Variants in RILPL1 observed in about 807,000 individuals in gnomAD.
RILPL1 encodes the protein Rab interacting lysosomal protein like 1.
Under a neutral mutation model 50.3 loss-of-function variants are expected in RILPL1, and 33 were observed. That is an observed-to-expected ratio of 0.66 (90% CI 0.50 to 0.88). The LOEUF (loss-of-function observed/expected upper bound fraction) is 0.88, where lower values mean the gene tolerates loss of function less well. RILPL1 is among the 40% of genes least tolerant of loss of function. RILPL1 has a pLI of 0.00. For missense variants in RILPL1, 418 were observed against 542.5 expected, an observed-to-expected ratio of 0.77 and a Z score of 2.28; for synonymous variants, 205 against 228.6, an observed-to-expected ratio of 0.90 and a Z score of 0.93.
rs1882186743 is a variant in RILPL1 at position 123,484,274 on chromosome 12, T to C, written c.975-2A>G. On this transcript the variant is annotated splice_acceptor_variant, in intron 5 of 6. Coordinates refer to ENST00000376874, the MANE Select transcript of RILPL1 (RefSeq NM_178314.5). LOFTEE classifies it high-confidence loss of function. The stretch of plus-strand genomic sequence containing the variant: ...CGGTTTTCCTCTTCCATTTCTTCAC[T>C]GGAAGGAGATGAGAGGCGTGAGATA... 6.3e-7 allele frequency: 1 copy of C among 1,594,324 alleles called. No homozygotes were observed. Among genetic ancestry groups the C allele is most frequent in the Non-Finnish European group, 8.6e-7 (1 of 1,162,090 alleles).
At chr12:123,528,185 G>A (rs1885323941) in intron 1 of RILPL1, among the ~76,000 whole-genome samples, 1 of 151,486 alleles carries the variant, frequency 6.6e-6, no homozygotes, top group Non-Finnish European at 1.5e-5. Context: ...TGGGCAACAT[G>A]GCAAGACCCC....
rs72498677 is a variant in RILPL1 at position 123,532,708 on chromosome 12, G to GGA, written c.309+465_309+466insTC. Among the ~76,000 whole-genome samples the GGA allele has an allele frequency of 1.5e-5, 2 of 134,216 alleles. 1 individual carries two copies. Among genetic ancestry groups the GGA allele is most frequent in the African/African-American group, 6.0e-5 (2 of 33,420 alleles). 88.1% of individuals were successfully genotyped at this position (134,216 alleles called of 152,430 possible). ...TCCCTTTGCTCTGGGGAGACTGGGGGGGGGGGGGATGAAGAAAGGGTCCTG... is the reference window on the plus strand; with the variant it reads ...TCCCTTTGCTCTGGGGAGACTGGGGGGAGGGGGGGGATGAAGAAAGGGTCCTG... On this transcript the variant is annotated intron_variant, in intron 1 of 6. Coordinates refer to ENST00000376874, the MANE Select transcript of RILPL1 (RefSeq NM_178314.5).
At chr12:123,521,188 G>A (rs1884987632) in intron 2 of RILPL1, among the ~76,000 whole-genome samples, 1 of 152,110 alleles carries the variant, frequency 6.6e-6, no homozygotes, top group African/African-American at 2.4e-5. Flanking sequence ...TAAGCGGTCT[G>A]TACAGATTCA....
In RILPL1 at chr12:123,484,227, G is replaced by A. The variant is rs183288011; in HGVS notation, c.1020C>T (p.Ile340=). The A allele has an allele frequency of 4.7e-4, 744 of 1,579,242 alleles. 3 individuals carry two copies. Among genetic ancestry groups the A allele is most frequent in the Middle Eastern group, 1.5e-3 (9 of 6,000 alleles). The change falls in exon 6 of 7, where the codon ATC becomes ATT. Residue 340 remains isoleucine (I), a synonymous_variant. Transcript: ENST00000376874. ...EENRIPQPPP[I]AHPRTSPQPE... ...GCTGGGGGGACGTCCTCGGGTGGGC[G>A]ATGGGTGGGGGTTGGGGTATTCGGT...
chr12:123,498,902 T>A lies in RILPL1; in HGVS notation c.580-137A>T. 1.3e-6 allele frequency: 1 copy of A among 760,240 alleles called. No homozygotes were observed. Among genetic ancestry groups the A allele is most frequent in the Non-Finnish European group, 2.2e-6 (1 of 458,194 alleles). 47.1% of individuals were successfully genotyped at this position (760,240 alleles called of 1,614,324 possible). A position where few individuals can be genotyped will look rare whatever the true frequency, so the allele number is the denominator to read the frequency against. On this transcript the variant is annotated intron_variant, in intron 3 of 6. Transcript: ENST00000376874. This position sits in a 1 kb window ranked among gnomAD's most constrained non-coding sequence, Gnocchi z 4.3. ...TGTTTGAAAGTTGTTCGTATTCTTA[T>A]AGCTGATGATGCTAGAGATGGGCAA...
chr12:123,531,198 T>C (rs549051587), intron 1 of RILPL1, among the ~76,000 whole-genome samples: 204 of 151,892 alleles, frequency 1.3e-3, no homozygotes, highest in African/African-American at 4.3e-3. Context: ...GGGAAAAGAA[T>C]TGCATCCTTG....
At chr12:123,488,448 A>AC (rs1882485635) in intron 4 of RILPL1, among the ~76,000 whole-genome samples, 1 of 149,942 alleles carries the variant, frequency 6.7e-6, no homozygotes. Flanking sequence ...CTGTCTCAAA[A>AC]AAAAAAAAAA....
chr12:123,484,227 G>C lies in RILPL1; in HGVS notation c.1020C>G (p.Ile340Met), dbSNP rs183288011. 5 of 1,579,242 alleles carry C rather than the reference G, an allele frequency of 3.2e-6. No homozygotes were observed. The highest frequency in any genetic ancestry group is 4.3e-6 in the Non-Finnish European group (5 of 1,150,692). The change falls in exon 6 of 7, where the codon ATC becomes ATG. Residue 340 changes from isoleucine (I) to methionine (M), a missense_variant. Transcript: ENST00000376874. ...GCTGGGGGGACGTCCTCGGGTGGGC[G>C]ATGGGTGGGGGTTGGGGTATTCGGT... Reference protein sequence around the residue: ...EENRIPQPPPIAHPRTSPQPE... With the variant: ...EENRIPQPPPMAHPRTSPQPE...
rs77361355 is a variant in RILPL1 at position 123,517,977 on chromosome 12, A to C, written c.460+5518T>G. On this transcript the variant is annotated intron_variant, in intron 2 of 6. Transcript: ENST00000376874. ...GGTGAAATAAGCCAGACAAAAAAGG[A>C]AAAATACGATATGACTCCACTTATA... 1.4e-3 allele frequency among the ~76,000 whole-genome samples: 206 copies of C among 152,320 alleles called. 1 individual carries two copies. The highest frequency in any genetic ancestry group is 4.8e-3 in the African/African-American group (201 of 41,566).
At chr12:123,524,858 C>T (rs1486721686) in intron 1 of RILPL1, among the ~76,000 whole-genome samples, 1 of 137,298 alleles carries the variant, frequency 7.3e-6, no homozygotes, top group African/African-American at 2.8e-5. Flanking sequence ...AGTGGCAGGG[C>T]GTGGTGGCTC....
chr12:123,523,751 C>T lies in RILPL1; in HGVS notation c.310-106G>A, dbSNP rs1885153954. 8.9e-6 allele frequency: 12 copies of T among 1,342,604 alleles called. No individual in the cohort carries two copies. The East Asian group carries it at 3.0e-4, about 34-fold the overall frequency. The allele number at this position is 1,342,604 out of a possible 1,614,324, so 83.2% of individuals were successfully genotyped here. ...TGGGTTGCTGGGACTTTGGGCCATC[C>T]CCTTCCTCGTGAGAACTGGGCCGGC... On this transcript the variant is annotated intron_variant, in intron 1 of 6. Transcript: ENST00000376874.
intron 4 of RILPL1, among the ~76,000 whole-genome samples, chr12:123,487,095 G>A (rs1464023188): frequency 2.0e-5 from 3 of 152,020 alleles, no homozygotes; most frequent in Admixed American, 1.3e-4. Flanking sequence ...CACCGCACCC[G>A]GCTGAAAACC....
intron 4 of RILPL1, among the ~76,000 whole-genome samples, chr12:123,494,444 C>T (rs1260873616): frequency 6.6e-6 from 1 of 152,204 alleles, no homozygotes; most frequent in African/African-American, 2.4e-5. Flanking sequence ...CATTGGCTGC[C>T]AGACAGGGAA....
chr12:123,513,500 C>A lies in RILPL1; in HGVS notation c.460+9995G>T, dbSNP rs1298886406. 4.6e-5 allele frequency: 10 copies of A among 219,534 alleles called. No individual in the cohort carries two copies. In the East Asian group the frequency reaches 1.4e-3, roughly 31 times the overall value. The allele number at this position is 219,534 out of a possible 1,614,324, so 13.6% of individuals were successfully genotyped here. A position where few individuals can be genotyped will look rare whatever the true frequency, so the allele number is the denominator to read the frequency against. Reference sequence around the variant, plus strand: ...GCGGCAGCCGTAGGAGCTATGAGACCGAGGCAGAAGCCTGGCGCCTGACTC... The same window carrying A: ...GCGGCAGCCGTAGGAGCTATGAGACAGAGGCAGAAGCCTGGCGCCTGACTC... On this transcript the variant is annotated intron_variant, in intron 2 of 6. Coordinates refer to ENST00000376874, the MANE Select transcript of RILPL1 (RefSeq NM_178314.5).
chr12:123,498,514 T>G lies in RILPL1; in HGVS notation c.801+30A>C, dbSNP rs1296561204. 4 of 1,599,914 alleles carry G rather than the reference T, an allele frequency of 2.5e-6. No individual in the cohort carries two copies. Among genetic ancestry groups the G allele is most frequent in the Non-Finnish European group, 3.4e-6 (4 of 1,169,220 alleles). On this transcript the variant is annotated intron_variant, in intron 4 of 6. Coordinates refer to ENST00000376874, the MANE Select transcript of RILPL1 (RefSeq NM_178314.5). This position sits in a 1 kb window ranked among gnomAD's most constrained non-coding sequence, Gnocchi z 4.3. Reference sequence around the variant, plus strand: ...GCCAACCCCCAGACTGACCCTCTGCTACCACCTCTGCACCCAGCTTCCTGC... The same window carrying G: ...GCCAACCCCCAGACTGACCCTCTGCGACCACCTCTGCACCCAGCTTCCTGC...
At chr12:123,510,476 G>T (rs9697536) in intron 2 of RILPL1, among the ~76,000 whole-genome samples, 38,768 of 97,540 alleles carry the variant, frequency 0.4, 8,332 homozygotes, top group African/African-American at 0.56. Context: ...TGTGTGTGTG[G>T]GGTATATGTG....
intron 2 of RILPL1, among the ~76,000 whole-genome samples, chr12:123,501,467 C>CAAACAAACAAA (rs1555266719): frequency 1.3e-5 from 2 of 150,880 alleles, no homozygotes; most frequent in African/African-American, 4.9e-5. Flanking sequence ...AACAAACAAA[C>CAAACAAACAAA]AAAAAACCTC....
At chr12:123,500,278 CTTTTTTTTTT>C (rs61119415) in intron 2 of RILPL1, among the ~76,000 whole-genome samples, 3 of 88,266 alleles carry the variant, frequency 3.4e-5, no homozygotes, top group Non-Finnish European at 6.6e-5. Flanking sequence ...GTGTCCCTTT[CTTTTTTTTTT>C]TTTTTTTTTT....
rs1885499368 is a variant in RILPL1, at chr12:123,533,120, C to T, written c.309+54G>A. The T allele has an allele frequency of 6.8e-6, 10 of 1,468,688 alleles. No individual in the cohort carries two copies. The highest frequency in any genetic ancestry group is 9.1e-6 in the Non-Finnish European group (10 of 1,103,414). 91.0% of individuals were successfully genotyped at this position (1,468,688 alleles called of 1,614,324 possible). ...CACAGCTGCCCAATGCGGAAGAGCC[C>T]TTGGGTCCCCGCGGTCCCACTGCCC... On this transcript the variant is annotated intron_variant, in intron 1 of 6. Coordinates refer to ENST00000376874, the MANE Select transcript of RILPL1 (RefSeq NM_178314.5). The surrounding 1 kb of genome is among the most constrained non-coding windows in gnomAD (Gnocchi z 6.2).
Sources: allele counts gnomAD v4.1 joint callset (sites outside exome capture counted in the v4.1 genomes callset), GRCh38; gene constraint gnomAD v4.1.1; non-coding constraint Gnocchi (gnomAD v3.1); transcripts MANE v1.5; gene names NCBI Gene and HGNC (gene_info 2026-07-23, HGNC 2026-07-21).